SPG21: variants seen among roughly 807,000 people sequenced by gnomAD.
The protein encoded by SPG21 is maspardin.
In SPG21, 26 loss-of-function variants were observed where a neutral mutation model predicts 38.9. The observed-to-expected ratio is 0.67, with a 90% CI of 0.49 to 0.93. The LOEUF is 0.93. Among genes scored for constraint, SPG21 ranks in the 40% least tolerant of loss-of-function variants. The pLI is 0.00. For missense variants in SPG21, 333 were observed against 376.5 expected, an observed-to-expected ratio of 0.88 and a Z score of 0.96; for synonymous variants, 136 against 128.9, an observed-to-expected ratio of 1.05 and a Z score of -0.37.
chr15:64,978,350 G>A (rs753748919), intron 3 of SPG21, among the ~76,000 whole-genome samples: 6 of 152,042 alleles, frequency 3.9e-5, no homozygotes, highest in Non-Finnish European at 8.8e-5. Context: ...TGGGGAAGCT[G>A]AGGCATGAGA....
At chr15:64,971,104 A>G (rs2140419349) in intron 5 of SPG21, among the ~76,000 whole-genome samples, 1 of 152,242 alleles carries the variant, frequency 6.6e-6, no homozygotes, top group Admixed American at 6.5e-5. Context: ...TCTGTTGCCC[A>G]GGCTGAAGTG....
chr15:64,977,493 G>C (rs2085803967), intron 3 of SPG21, among the ~76,000 whole-genome samples: 1 of 152,052 alleles, frequency 6.6e-6, no homozygotes, highest in Admixed American at 6.6e-5. Flanking sequence ...CCGGTAGCTG[G>C]AATCACAGGC....
At position 64,963,527 on chromosome 15, in the gene SPG21, G is replaced by T; in HGVS notation, c.*93C>A. On this transcript the variant is annotated 3_prime_UTR_variant, in exon 9 of 9. Transcript: ENST00000204566. The stretch of plus-strand genomic sequence containing the variant: ...CACAGTGAGAACCGGTGAGCCTGAC[G>T]AACCTGAAGGAAAAGGCTGGCTGAC... The T allele has an allele frequency of 9.6e-7, 1 of 1,042,318 alleles. No homozygotes were observed. Among genetic ancestry groups the T allele is most frequent in the Non-Finnish European group, 1.5e-6 (1 of 668,476 alleles). 64.6% of individuals were successfully genotyped at this position (1,042,318 alleles called of 1,614,324 possible).
At position 64,982,163 on chromosome 15, in the gene SPG21, G is replaced by C. The variant is rs986593523; in HGVS notation, c.64-1138C>G. 1.6e-3 allele frequency among the ~76,000 whole-genome samples: 35 copies of C among 21,772 alleles called. No individual in the cohort carries two copies. The East Asian group carries it at 0.039, about 24-fold the overall frequency. 14.3% of individuals were successfully genotyped at this position (21,772 alleles called of 152,430 possible). The stretch of plus-strand genomic sequence containing the variant: ...TTTTCTTTTTTTTTTTTTTTTTTTT[G>C]AGACAAGGTCTGGCTCTGTCACCCA... On this transcript the variant is annotated intron_variant, in intron 2 of 8. Coordinates refer to ENST00000204566, the MANE Select transcript of SPG21 (RefSeq NM_016630.7).
intron 7 of SPG21, among the ~76,000 whole-genome samples, chr15:64,966,305 C>A (rs972783116): frequency 2.7e-4 from 41 of 152,074 alleles, no homozygotes; most frequent in African/African-American, 9.7e-4. Context: ...TTACATGCAA[C>A]AAAATTTTTC....
chr15:64,971,211 C>T (rs2085654148), intron 5 of SPG21, among the ~76,000 whole-genome samples: 1 of 152,054 alleles, frequency 6.6e-6, no homozygotes, highest in South Asian at 2.1e-4. Flanking sequence ...GCTCGTACCA[C>T]CAGGCCTGAC....
intron 7 of SPG21, among the ~76,000 whole-genome samples, chr15:64,965,921 C>G (rs2085532799): frequency 6.6e-6 from 1 of 152,062 alleles, no homozygotes; most frequent in Non-Finnish European, 1.5e-5. Flanking sequence ...AGGCTGGTCT[C>G]AAACTCCTGA....
At chr15:64,968,440 A>G (rs948152937) in intron 7 of SPG21, among the ~76,000 whole-genome samples, 1 of 152,148 alleles carries the variant, frequency 6.6e-6, no homozygotes, top group African/African-American at 2.4e-5. Context: ...ATGGCCACAC[A>G]AAAGGATAAA....
chr15:64,973,374 T>C (rs1351019008), intron 5 of SPG21, among the ~76,000 whole-genome samples: 2 of 152,106 alleles, frequency 1.3e-5, no homozygotes, highest in Non-Finnish European at 2.9e-5. Context: ...CTTAAAATGA[T>C]AAAATCAATG....
At chr15:64,965,488 A>C in intron 7 of SPG21, 28 bp from the exon 8 acceptor site, 1 of 1,614,102 alleles carries the variant, frequency 6.2e-7, no homozygotes, top group Non-Finnish European at 8.5e-7. Flanking sequence ...CTTCAGCACC[A>C]TAGGAAAGGT....
At chr15:64,976,737 A>G (rs1182640540) in intron 3 of SPG21, among the ~76,000 whole-genome samples, 182 bp from the exon 4 acceptor site, 6 of 152,218 alleles carry the variant, frequency 3.9e-5, no homozygotes, top group Non-Finnish European at 8.8e-5. Flanking sequence ...CATTTTTCTA[A>G]CAGACCAAAT....
chr15:64,987,913 A>T (rs750036339), intron 1 of SPG21, among the ~76,000 whole-genome samples: 1 of 152,234 alleles, frequency 6.6e-6, no homozygotes, highest in Non-Finnish European at 1.5e-5. Context: ...ACATGCCTGT[A>T]ATCCCAGCTA....
At position 64,963,576 on chromosome 15, in the gene SPG21, CAAG is replaced by C. The variant is rs745481399; in HGVS notation, c.*41_*43del. The C allele has an allele frequency of 1.9e-6, 3 of 1,545,666 alleles. No homozygotes were observed. Among genetic ancestry groups the C allele is most frequent in the Non-Finnish European group, 2.7e-6 (3 of 1,119,410 alleles). On this transcript the variant is annotated 3_prime_UTR_variant, in exon 9 of 9. Transcript: ENST00000204566. Reference sequence around the variant, plus strand: ...ACGGGTGCTGATGCCACTGACTATACAAGAACACACCGGGTCAACTCATCATTG... The same window carrying C: ...ACGGGTGCTGATGCCACTGACTATACAACACACCGGGTCAACTCATCATTG...
chr15:64,965,888 G>A (rs151112250), intron 7 of SPG21, among the ~76,000 whole-genome samples: 35 of 152,178 alleles, frequency 2.3e-4, no homozygotes, highest in African/African-American at 7.7e-4. Flanking sequence ...TTTTAGTAGA[G>A]ATGGGGTTTC....
At chr15:64,987,332 T>C (rs1002776855) in intron 1 of SPG21, 4 of 152,194 alleles carry the variant, frequency 2.6e-5, no homozygotes, top group Non-Finnish European at 5.9e-5. Context: ...GTAAAATGGA[T>C]ACCAAATGTT....
intron 8 of SPG21, 21 bp from the exon 9 acceptor site, chr15:64,963,757 T>C: frequency 6.2e-7 from 1 of 1,602,728 alleles, no homozygotes. Flanking sequence ...GCAGAATCAT[T>C]ATTTTATTTA....
At chr15:64,969,411 C>T (rs1405818720) in intron 6 of SPG21, 49 bp from the exon 7 acceptor site, 2 of 1,286,340 alleles carry the variant, frequency 1.6e-6, no homozygotes, top group African/African-American at 2.9e-5. Flanking sequence ...TTGTTTTTCA[C>T]ATTTACATTA....
rs1400110976 is a variant in SPG21 at position 64,970,131 on chromosome 15, C to T, written c.544G>A (p.Asp182Asn). ...ATCCTTACCCTGTCTACCATGAAAT[C>T]AATGGCATCAGCCATCATAGGGTCC... is the stretch of plus-strand genomic sequence containing the variant. Reference protein sequence around the residue: ...PVDPMMADAIDFMVDRLESLG... With the variant: ...PVDPMMADAINFMVDRLESLG... The change falls in exon 6 of 9, where the codon GAT (aspartate) becomes AAT (asparagine). Residue 182 changes from aspartate to asparagine, a missense_variant. Physicochemically the swap from Asp to Asn is conservative, Grantham distance 23 (BLOSUM62 1). Coordinates refer to ENST00000204566, the MANE Select transcript of SPG21 (RefSeq NM_016630.7). 1 of 1,613,726 alleles carries T rather than the reference C, an allele frequency of 6.2e-7. No individual in the cohort carries two copies. The highest frequency in any genetic ancestry group is 2.2e-5 in the East Asian group (1 of 44,888).
intron 1 of SPG21, chr15:64,988,981 C>CAA (rs148681989): frequency 1.4e-4 from 13 of 92,262 alleles, no homozygotes; most frequent in Admixed American, 3.6e-4. Flanking sequence ...GACTCCGTCT[C>CAA]AAAAAAAAAA....
Sources: allele counts gnomAD v4.1 joint callset (sites outside exome capture counted in the v4.1 genomes callset), GRCh38; gene constraint gnomAD v4.1.1; transcripts MANE v1.5; gene names NCBI Gene and HGNC (gene_info 2026-07-23, HGNC 2026-07-21).